The following MTF2 variants were observed in gnomAD, a reference collection of about 807,000 sequenced individuals.
MTF2 encodes the protein metal-response element-binding transcription factor 2.
Under a neutral mutation model 79.5 loss-of-function variants are expected in MTF2, and 11 were observed. That is an observed-to-expected ratio of 0.14 (90% confidence interval 0.09 to 0.23). The LOEUF (loss-of-function observed/expected upper bound fraction) is 0.23. Among genes scored for constraint, MTF2 ranks in the 10% least tolerant of loss-of-function variants. MTF2 has a pLI of 1.00. For synonymous variants in MTF2, 208 were observed against 232.8 expected, an observed-to-expected ratio of 0.89 and a Z score of 0.97; for missense variants, 486 against 711.2, an observed-to-expected ratio of 0.68 and a Z score of 3.60.
intron 1 of MTF2, among the ~76,000 whole-genome samples, chr1:93,087,341 G>A (rs1405811771): frequency 6.6e-6 from 1 of 152,184 alleles, no homozygotes; most frequent in Non-Finnish European, 1.5e-5. Flanking sequence ...GGAGGCCGAG[G>A]TGGGTGGATC....
intron 10 of MTF2, among the ~76,000 whole-genome samples, chr1:93,128,497 C>G (rs1210677259): frequency 6.8e-6 from 1 of 147,420 alleles, no homozygotes; most frequent in Non-Finnish European, 1.5e-5. Flanking sequence ...GTAGAAGTTG[C>G]AGTGAGCCGA....
At chr1:93,105,596 C>T (rs964157215) in intron 1 of MTF2, among the ~76,000 whole-genome samples, 2 of 152,214 alleles carry the variant, frequency 1.3e-5, no homozygotes, top group African/African-American at 2.4e-5. Context: ...TATATATCTA[C>T]TGCCTGGCAC....
intron 9 of MTF2, among the ~76,000 whole-genome samples, chr1:93,126,848 T>C (rs1571250126): frequency 6.6e-6 from 1 of 152,220 alleles, no homozygotes; most frequent in South Asian, 2.1e-4. Flanking sequence ...TAGGAACTTT[T>C]ATAGTAAATA....
intron 9 of MTF2, chr1:93,120,918 T>C: frequency 8.6e-7 from 1 of 1,162,372 alleles, no homozygotes; most frequent in African/African-American, 1.6e-5. Flanking sequence ...TTCTTTCATT[T>C]TCTGAAGTGA....
chr1:93,099,441 A>G (rs1387174653), intron 1 of MTF2, among the ~76,000 whole-genome samples: 2 of 152,238 alleles, frequency 1.3e-5, no homozygotes, highest in Admixed American at 6.5e-5. Flanking sequence ...CTTTCTGAGG[A>G]AAAAATGGTA....
At chr1:93,089,551 C>A (rs1654984967) in intron 1 of MTF2, among the ~76,000 whole-genome samples, 1 of 151,876 alleles carries the variant, frequency 6.6e-6, no homozygotes, top group Non-Finnish European at 1.5e-5. Flanking sequence ...TTTGATTCTG[C>A]CTTTAAAAAA....
At chr1:93,133,508 CAAG>C (rs1647226815) in intron 11 of MTF2, among the ~76,000 whole-genome samples, 192 bp from the exon 12 acceptor site, 1 of 151,962 alleles carries the variant, frequency 6.6e-6, no homozygotes, top group Non-Finnish European at 1.5e-5. Flanking sequence ...TCTTTAAAGT[CAAG>C]AAATATTTAT....
intron 1 of MTF2, among the ~76,000 whole-genome samples, chr1:93,103,784 TA>T (rs2101045848): frequency 6.6e-6 from 1 of 152,310 alleles, no homozygotes; most frequent in South Asian, 2.1e-4. Context: ...GGAAACTGCA[TA>T]GAGGAAAACC....
In MTF2 at chr1:93,079,471, G is replaced by A. The variant is rs2101004634; in HGVS notation, c.-56G>A. On this transcript the variant is annotated 5_prime_UTR_variant, in exon 1 of 15. Coordinates refer to ENST00000370298, the MANE Select transcript of MTF2 (RefSeq NM_007358.4). Reference sequence around the variant, plus strand: ...GGACTCGCAGGGGAAGCGCCCACGGGGACGGATTGGTTGTTTTTTCCTGTA... The same window carrying A: ...GGACTCGCAGGGGAAGCGCCCACGGAGACGGATTGGTTGTTTTTTCCTGTA... The A allele has an allele frequency of 6.2e-7, 1 of 1,613,184 alleles. No homozygotes were observed. Among genetic ancestry groups the A allele is most frequent in the Non-Finnish European group, 8.5e-7 (1 of 1,179,542 alleles).
At chr1:93,081,675 A>G (rs1043810968) in intron 1 of MTF2, among the ~76,000 whole-genome samples, 10 of 152,294 alleles carry the variant, frequency 6.6e-5, no homozygotes, top group Middle Eastern at 3.4e-3. Flanking sequence ...GAGTAGTGCT[A>G]TCTAGTAGAA....
intron 1 of MTF2, among the ~76,000 whole-genome samples, chr1:93,087,181 C>T (rs1432492869): frequency 6.6e-6 from 1 of 152,170 alleles, no homozygotes; most frequent in African/African-American, 2.4e-5. Flanking sequence ...GGATGCTCAA[C>T]TTGTATTAGT....
At chr1:93,108,000 T>C (rs1238830432) in intron 1 of MTF2, among the ~76,000 whole-genome samples, 3 of 151,986 alleles carry the variant, frequency 2.0e-5, no homozygotes, top group Non-Finnish European at 2.9e-5. Context: ...CCCAGGCTAC[T>C]CTTGAATTCG....
chr1:93,135,240 G>A (rs1009515782), intron 14 of MTF2, among the ~76,000 whole-genome samples: 1 of 152,150 alleles, frequency 6.6e-6, no homozygotes, highest in Non-Finnish European at 1.5e-5. Context: ...CCAAAGTGCC[G>A]GGATTACAGG....
At chr1:93,101,926 AGCCGT>A (rs1655564072) in intron 1 of MTF2, among the ~76,000 whole-genome samples, 1 of 152,040 alleles carries the variant, frequency 6.6e-6, no homozygotes, top group African/African-American at 2.4e-5. Context: ...AAATACATTG[AGCCGT>A]CTCCATAACA....
intron 1 of MTF2, among the ~76,000 whole-genome samples, chr1:93,091,799 T>A (rs998899351): frequency 3.9e-5 from 6 of 152,242 alleles, no homozygotes; most frequent in Non-Finnish European, 7.3e-5. Flanking sequence ...AGTACTGGTT[T>A]ATGGACTTGA....
chr1:93,117,390 T>C (rs1656290958), intron 6 of MTF2, among the ~76,000 whole-genome samples: 1 of 152,112 alleles, frequency 6.6e-6, no homozygotes, highest in Non-Finnish European at 1.5e-5. Flanking sequence ...CCAAAATCCA[T>C]GTGCTAACTG....
At chr1:93,092,483 G>C (rs547474478) in intron 1 of MTF2, among the ~76,000 whole-genome samples, 14 of 152,222 alleles carry the variant, frequency 9.2e-5, no homozygotes, top group African/African-American at 3.4e-4. Context: ...TTTCTTTTCT[G>C]TTCCCTCCGC....
At chr1:93,125,252 T>G (rs1656645975) in intron 9 of MTF2, among the ~76,000 whole-genome samples, 1 of 151,800 alleles carries the variant, frequency 6.6e-6, no homozygotes, top group South Asian at 2.1e-4. Context: ...ATAAGTCATG[T>G]ATACCCTTGG....
At chr1:93,092,434 A>G (rs534449354) in intron 1 of MTF2, among the ~76,000 whole-genome samples, 1 of 152,188 alleles carries the variant, frequency 6.6e-6, no homozygotes, top group East Asian at 1.9e-4. Flanking sequence ...AAATCAGATA[A>G]TTTTGAAATT....
Sources: gnomAD v4.1 joint callset for allele counts (sites outside exome capture counted in the v4.1 genomes callset) on GRCh38, gnomAD v4.1.1 for gene constraint, MANE v1.5 for transcripts, NCBI Gene and HGNC (gene_info 2026-07-23, HGNC 2026-07-21) for gene names.